Variants in RNF144B observed in about 807,000 individuals in gnomAD.
The protein encoded by RNF144B is E3 ubiquitin-protein ligase RNF144B.
Under a neutral mutation model 40.2 loss-of-function variants are expected in RNF144B, and 25 were observed. That is an observed-to-expected ratio of 0.62 (90% CI 0.45 to 0.87). The LOEUF (loss-of-function observed/expected upper bound fraction) is 0.87, where lower values mean the gene tolerates loss of function less well. RNF144B is among the 40% of genes least tolerant of loss of function. The probability of loss-of-function intolerance (pLI) is 0.00; values close to 1 mark genes in which losing one functional copy is unlikely to be tolerated. For missense variants in RNF144B, 365 were observed against 373.7 expected (o/e 0.98, Z 0.19); for synonymous variants, 145 against 136.3 (o/e 1.06, Z -0.44).
intron 3 of RNF144B, among the ~76,000 whole-genome samples, chr6:18,428,523 A>G (rs1224158839): frequency 1.3e-5 from 2 of 152,112 alleles, no homozygotes; most frequent in African/African-American, 2.4e-5. Context: ...CGTTTGTTCA[A>G]TCACCGGTTA....
intron 3 of RNF144B, among the ~76,000 whole-genome samples, chr6:18,435,907 G>C (rs1033434703): frequency 1.3e-5 from 2 of 151,612 alleles, no homozygotes; most frequent in African/African-American, 2.4e-5. Flanking sequence ...AGCATTAGGA[G>C]ATATACCTAA....
Position 18,442,820 on chromosome 6 carries a change from T to A in RNF144B, c.331+3076T>A, listed in dbSNP as rs1209283401. Reference sequence around the variant, plus strand: ...CTGTCCTTTTGTGTTTGTCTTATTTTACTTAATATATGTTTTTCAAAGTTC... The same window carrying A: ...CTGTCCTTTTGTGTTTGTCTTATTTAACTTAATATATGTTTTTCAAAGTTC... On this transcript the variant is annotated intron_variant, in intron 4 of 7. Transcript: ENST00000259939. This position sits in a 1 kb window ranked among gnomAD's most constrained non-coding sequence, Gnocchi z 4.3. 6.6e-6 allele frequency among the ~76,000 whole-genome samples: 1 copy of A among 152,230 alleles called. No homozygotes were observed. The highest frequency in any genetic ancestry group is 1.5e-5 in the Non-Finnish European group (1 of 68,034).
At chr6:18,407,647 A>G (rs990469349) in intron 2 of RNF144B, among the ~76,000 whole-genome samples, 2 of 152,198 alleles carry the variant, frequency 1.3e-5, no homozygotes, top group African/African-American at 4.8e-5. Flanking sequence ...AATTCTAACT[A>G]TTAGCGTTAC....
Position 18,399,688 on chromosome 6 carries a change from T to C in RNF144B, c.154T>C (p.Phe52Leu). The change falls in exon 2 of 8, where the codon TTT becomes CTT. Residue 52 changes from phenylalanine (F) to leucine (L), a missense_variant. By Grantham distance (22) the Phe-to-Leu change is conservative. Coordinates refer to ENST00000259939, the MANE Select transcript of RNF144B (RefSeq NM_182757.4). ...MTTLQECQCI[F>L]CTACLKQYMQ... ...CACACTCCAGGAATGCCAGTGCATC[T>C]TTTGCACAGCTGTGAGTTTTCCTTG... The C allele has an allele frequency of 6.2e-7, 1 of 1,613,126 alleles. No homozygotes were observed. The highest frequency in any genetic ancestry group is 8.5e-7 in the Non-Finnish European group (1 of 1,179,224).
In RNF144B at chr6:18,464,002, G is replaced by C. The variant is rs1327233632; in HGVS notation, c.771+622G>C. Among the ~76,000 whole-genome samples the C allele has an allele frequency of 6.6e-6, 1 of 152,066 alleles. No individual in the cohort carries two copies. The highest frequency in any genetic ancestry group is 1.5e-5 in the Non-Finnish European group (1 of 68,016). On this transcript the variant is annotated intron_variant, in intron 7 of 7. Transcript: ENST00000259939. This position sits in a 1 kb window ranked among gnomAD's most constrained non-coding sequence, Gnocchi z 6.1. ...CCCATGATTCAATTATCTCCACCTG[G>C]CCCTGTCCTTGACACGTGGGGATTA... is the stretch of plus-strand genomic sequence containing the variant.
In RNF144B at chr6:18,459,614, T is replaced by C; in HGVS notation, c.544T>C (p.Phe182Leu). The change falls in exon 6 of 8, where the codon TTT becomes CTT. Residue 182 changes from phenylalanine to leucine, a missense_variant. Transcript: ENST00000259939. The surrounding 1 kb of genome is among the most constrained non-coding windows in gnomAD (Gnocchi z 4.2). ...IVLPTEHRAL[F>L]GTDAEAPIKQ... ...CATCCATTTTGTTTCTAGAGCCCTC[T>C]TTGGGACAGATGCAGAAGCCCCCAT... The C allele has an allele frequency of 1.2e-6, 2 of 1,613,602 alleles. No homozygotes were observed. The highest frequency in any genetic ancestry group is 2.2e-5 in the South Asian group (2 of 91,040).
At position 18,444,069 on chromosome 6, in the gene RNF144B, T is replaced by C. The variant is rs998238904; in HGVS notation, c.331+4325T>C. ...GTGCCTGCCAAGTTCTTTTAGTCTT[T>C]AGCTTGTTGTTCAGTGTGTGAATTG... On this transcript the variant is annotated intron_variant, in intron 4 of 7. Coordinates refer to ENST00000259939, the MANE Select transcript of RNF144B (RefSeq NM_182757.4). The surrounding 1 kb of genome is among the most constrained non-coding windows in gnomAD (Gnocchi z 4.3). Among the ~76,000 whole-genome samples the C allele has an allele frequency of 2.6e-5, 4 of 152,246 alleles. No homozygotes were observed. Among genetic ancestry groups the C allele is most frequent in the African/African-American group, 7.2e-5 (3 of 41,462 alleles).
rs1386171257 is a variant in RNF144B at position 18,400,091 on chromosome 6, A to G, written c.165+392A>G. On this transcript the variant is annotated intron_variant, in intron 2 of 7. Coordinates refer to ENST00000259939, the MANE Select transcript of RNF144B (RefSeq NM_182757.4). This position sits in a 1 kb window ranked among gnomAD's most constrained non-coding sequence, Gnocchi z 5.6. ...TCGAGACCATCCTAGCTAACATGGT[A>G]AAACCCCGTCTCTACTAAAAATACA... 2.0e-5 allele frequency among the ~76,000 whole-genome samples: 3 copies of G among 151,900 alleles called. No individual in the cohort carries two copies. The highest frequency in any genetic ancestry group is 2.1e-4 in the South Asian group (1 of 4,820).
intron 1 of RNF144B, among the ~76,000 whole-genome samples, chr6:18,397,136 G>A (rs1340057325): frequency 2.0e-5 from 3 of 152,178 alleles, no homozygotes; most frequent in African/African-American, 4.8e-5. Flanking sequence ...GTTAGTAATC[G>A]TTGACTTTCT....
At chr6:18,396,838 T>C in intron 1 of RNF144B, 1 of 984,954 alleles carries the variant, frequency 1.0e-6, no homozygotes, top group Non-Finnish European at 1.2e-6. Flanking sequence ...GTCATTCATT[T>C]TTACCCGTAT....
intron 6 of RNF144B, among the ~76,000 whole-genome samples, chr6:18,461,248 T>C (rs1277535574): frequency 6.6e-6 from 1 of 152,214 alleles, no homozygotes; most frequent in African/African-American, 2.4e-5. Flanking sequence ...GCAGCTCAGT[T>C]TGGAAGAAAT....
In RNF144B at chr6:18,406,247, G is replaced by A. The variant is rs1794901313; in HGVS notation, c.165+6548G>A. ...GGGTGAGGGGGGTCAGGAGTGCTGTGGGGAAGAGGGACTTCTACTTTATTA... is the reference window on the plus strand; with the variant it reads ...GGGTGAGGGGGGTCAGGAGTGCTGTAGGGAAGAGGGACTTCTACTTTATTA... On this transcript the variant is annotated intron_variant, in intron 2 of 7. Coordinates refer to ENST00000259939, the MANE Select transcript of RNF144B (RefSeq NM_182757.4). This position sits in a 1 kb window ranked among gnomAD's most constrained non-coding sequence, Gnocchi z 4.2. 1 of 483,474 alleles carries A rather than the reference G, an allele frequency of 2.1e-6. No individual in the cohort carries two copies. Among genetic ancestry groups the A allele is most frequent in the Non-Finnish European group, 4.1e-6 (1 of 243,224 alleles). 29.9% of individuals were successfully genotyped at this position (483,474 alleles called of 1,614,324 possible).
Position 18,425,037 on chromosome 6 carries a change from G to A in RNF144B, c.166-2544G>A, listed in dbSNP as rs977146273. ...AAGGGCTTCCATATATAAATTTCAC[G>A]TGTATGTGTGTATGTGTGGGTGTGT... is the stretch of plus-strand genomic sequence containing the variant. On this transcript the variant is annotated intron_variant, in intron 2 of 7. Coordinates refer to ENST00000259939, the MANE Select transcript of RNF144B (RefSeq NM_182757.4). The surrounding 1 kb of genome is among the most constrained non-coding windows in gnomAD (Gnocchi z 4.2). Among the ~76,000 whole-genome samples, 2 of 148,988 alleles carry A rather than the reference G, an allele frequency of 1.3e-5. No individual in the cohort carries two copies. Among genetic ancestry groups the A allele is most frequent in the African/African-American group, 2.5e-5 (1 of 40,766 alleles).
rs888902801 is a variant in RNF144B, at chr6:18,405,924, T to C, written c.165+6225T>C. Among the ~76,000 whole-genome samples, 2 of 152,210 alleles carry C rather than the reference T, an allele frequency of 1.3e-5. No homozygotes were observed. Among genetic ancestry groups the C allele is most frequent in the African/African-American group, 2.4e-5 (1 of 41,450 alleles). On this transcript the variant is annotated intron_variant, in intron 2 of 7. Transcript: ENST00000259939. This position sits in a 1 kb window ranked among gnomAD's most constrained non-coding sequence, Gnocchi z 4.5. ...TAATGTCTTTGTCATAGCATCATAG[T>C]CCTAGAATTGTAAGTGACCTTAGAT...
chr6:18,414,429 C>T lies in RNF144B; in HGVS notation c.166-13152C>T, dbSNP rs984173972. 1.3e-5 allele frequency among the ~76,000 whole-genome samples: 2 copies of T among 152,104 alleles called. No homozygotes were observed. The highest frequency in any genetic ancestry group is 1.3e-4 in the Admixed American group (2 of 15,268). On this transcript the variant is annotated intron_variant, in intron 2 of 7. Coordinates refer to ENST00000259939, the MANE Select transcript of RNF144B (RefSeq NM_182757.4). The surrounding 1 kb of genome is among the most constrained non-coding windows in gnomAD (Gnocchi z 4.9). ...TGGGTCATTAATATGAGCTATTTTG[C>T]ATGCTGGCTTTGTAGGTTATATCCT...
chr6:18,454,984 T>G (rs28562330), intron 4 of RNF144B, among the ~76,000 whole-genome samples: 2 of 152,238 alleles, frequency 1.3e-5, no homozygotes, highest in Non-Finnish European at 2.9e-5. Flanking sequence ...AAAAGATCTC[T>G]GATTTAGAAG....
intron 4 of RNF144B, among the ~76,000 whole-genome samples, chr6:18,451,155 G>T (rs1447707491): frequency 6.6e-6 from 1 of 151,990 alleles, no homozygotes; most frequent in African/African-American, 2.4e-5. Flanking sequence ...TGCATTGCTT[G>T]GTTTCCCTTT....
At position 18,395,572 on chromosome 6, in the gene RNF144B, G is replaced by T. The variant is rs1794676192; in HGVS notation, c.-36-3927G>T. Among the ~76,000 whole-genome samples the T allele has an allele frequency of 7.3e-6, 1 of 137,758 alleles. No homozygotes were observed. The highest frequency in any genetic ancestry group is 1.6e-5 in the Non-Finnish European group (1 of 63,392). The allele number at this position is 137,758 out of a possible 152,430, so 90.4% of individuals were successfully genotyped here. On this transcript the variant is annotated intron_variant, in intron 1 of 7. Transcript: ENST00000259939. The surrounding 1 kb of genome is among the most constrained non-coding windows in gnomAD (Gnocchi z 4.5). ...TCAATGGTGAAAGGATTTCTTGTTT[G>T]ATATTCTTTTTTTTTTTTAAATGAA...
chr6:18,394,200 G>A (rs1794644141), intron 1 of RNF144B, among the ~76,000 whole-genome samples: 1 of 152,172 alleles, frequency 6.6e-6, no homozygotes, highest in Non-Finnish European at 1.5e-5. Flanking sequence ...ATTAGGGTAA[G>A]TATCCTAATA....
Sources: allele counts gnomAD v4.1 joint callset (sites outside exome capture counted in the v4.1 genomes callset), GRCh38; gene constraint gnomAD v4.1.1; non-coding constraint Gnocchi (gnomAD v3.1); transcripts MANE v1.5; gene names NCBI Gene and HGNC (gene_info 2026-07-23, HGNC 2026-07-21).